AGBL4: variants seen among roughly 807,000 people sequenced by gnomAD.
The protein encoded by AGBL4 is cytosolic carboxypeptidase 6.
Under a neutral mutation model 66.4 loss-of-function variants are expected in AGBL4, and 58 were observed. The observed-to-expected ratio is 0.87, with a 90% confidence interval of 0.71 to 1.09. AGBL4 has a LOEUF of 1.09. Among genes scored for constraint, AGBL4 ranks in the 50% least tolerant of loss-of-function variants. AGBL4 has a pLI of 0.00. For missense variants in AGBL4, 579 were observed against 631.0 expected (o/e 0.92, Z 0.88); for synonymous variants, 234 against 222.9 (o/e 1.05, Z -0.44).
intron 2 of AGBL4, among the ~76,000 whole-genome samples, chr1:49,735,496 A>G (rs576290127): frequency 6.6e-6 from 1 of 152,128 alleles, no homozygotes; most frequent in African/African-American, 2.4e-5. Context: ...ATTTTATATT[A>G]TCATTGTAAT....
At chr1:49,323,729 A>G (rs530865053) in intron 3 of AGBL4, among the ~76,000 whole-genome samples, 62 of 150,124 alleles carry the variant, frequency 4.1e-4, no homozygotes, top group Non-Finnish European at 8.6e-4. Flanking sequence ...AGATTGCACC[A>G]CTGCACTCCA....
intron 5 of AGBL4, among the ~76,000 whole-genome samples, chr1:48,939,399 C>T (rs1308733786): frequency 1.3e-5 from 2 of 152,188 alleles, no homozygotes; most frequent in Non-Finnish European, 2.9e-5. Context: ...TCCTTCAGTC[C>T]CGTTAATGGC....
At chr1:48,838,159 T>A (rs1252388323) in intron 6 of AGBL4, among the ~76,000 whole-genome samples, 2 of 151,940 alleles carry the variant, frequency 1.3e-5, no homozygotes, top group Admixed American at 1.3e-4. Flanking sequence ...AAAATACCAA[T>A]GAAATTCAAC....
intron 1 of AGBL4, among the ~76,000 whole-genome samples, chr1:49,935,952 A>G (rs1197252068): frequency 6.6e-6 from 1 of 152,230 alleles, no homozygotes; most frequent in African/African-American, 2.4e-5. Flanking sequence ...AAAGGAACAC[A>G]GTTCCTCCCC....
At chr1:49,454,873 C>T (rs1380040480) in intron 3 of AGBL4, among the ~76,000 whole-genome samples, 5 of 151,466 alleles carry the variant, frequency 3.3e-5, no homozygotes, top group Admixed American at 1.3e-4. Context: ...GTATGGCATG[C>T]CTTAATAAGT....
At chr1:49,442,394 G>A in intron 3 of AGBL4, among the ~76,000 whole-genome samples, 1 of 152,182 alleles carries the variant, frequency 6.6e-6, no homozygotes. Flanking sequence ...ACAAGTAGGG[G>A]ATTCTTGGAA....
At chr1:49,696,423 T>C (rs1184676847) in intron 3 of AGBL4, among the ~76,000 whole-genome samples, 1 of 152,062 alleles carries the variant, frequency 6.6e-6, no homozygotes, top group African/African-American at 2.4e-5. Context: ...ACGTTCAAAA[T>C]ACAAGTTGAG....
chr1:48,740,066 A>G (rs558753106), intron 6 of AGBL4, among the ~76,000 whole-genome samples: 1 of 152,348 alleles, frequency 6.6e-6, no homozygotes, highest in South Asian at 2.1e-4. Context: ...TAATGTCTTT[A>G]TGGAACTGTT....
At chr1:49,675,515 C>T (rs1388148486) in intron 3 of AGBL4, among the ~76,000 whole-genome samples, 1 of 151,484 alleles carries the variant, frequency 6.6e-6, no homozygotes, top group East Asian at 1.9e-4. Context: ...ACACAATACA[C>T]TCATGTAACA....
chr1:48,854,576 C>G (rs980928966), intron 6 of AGBL4, among the ~76,000 whole-genome samples: 2 of 152,176 alleles, frequency 1.3e-5, no homozygotes, highest in African/African-American at 2.4e-5. Context: ...GAGATAGTCA[C>G]TGCAAAATTT....
intron 3 of AGBL4, among the ~76,000 whole-genome samples, chr1:49,287,726 G>A (rs1432234920): frequency 1.3e-5 from 2 of 150,162 alleles, no homozygotes; most frequent in African/African-American, 4.9e-5. Context: ...AGGTGCTGGA[G>A]AGGATGTGGA....
intron 4 of AGBL4, among the ~76,000 whole-genome samples, chr1:49,207,918 T>C (rs1648371348): frequency 6.6e-6 from 1 of 152,006 alleles, no homozygotes; most frequent in Non-Finnish European, 1.5e-5. Context: ...TTGCCATGCA[T>C]GCTATTGATA....
intron 3 of AGBL4, among the ~76,000 whole-genome samples, chr1:49,367,977 T>C (rs1644272314): frequency 6.6e-6 from 1 of 152,210 alleles, no homozygotes; most frequent in African/African-American, 2.4e-5. Context: ...TCTCTATGGA[T>C]TTGCCTATTA....
intron 11 of AGBL4, among the ~76,000 whole-genome samples, chr1:48,558,746 T>C (rs1359333543): frequency 1.3e-5 from 2 of 152,248 alleles, no homozygotes; most frequent in African/African-American, 4.8e-5. Context: ...TTGATGATGC[T>C]GAGTCCTTAG....
intron 3 of AGBL4, among the ~76,000 whole-genome samples, chr1:49,686,091 G>C (rs1646782224): frequency 6.6e-6 from 1 of 151,938 alleles, no homozygotes; most frequent in African/African-American, 2.4e-5. Flanking sequence ...GAAAAGAAGG[G>C]GTACAGTTTC....
At chr1:49,385,154 A>G (rs1044338637) in intron 3 of AGBL4, among the ~76,000 whole-genome samples, 1 of 152,130 alleles carries the variant, frequency 6.6e-6, no homozygotes, top group African/African-American at 2.4e-5. Flanking sequence ...TGGTGGGAGG[A>G]AAAAAGGGGT....
chr1:48,673,981 C>G (rs1426903136), intron 6 of AGBL4, among the ~76,000 whole-genome samples: 2 of 152,180 alleles, frequency 1.3e-5, no homozygotes, highest in South Asian at 2.1e-4. Flanking sequence ...GATCTCACTC[C>G]CGTACTCCCA....
chr1:49,152,633 A>G (rs1646359204), intron 4 of AGBL4, among the ~76,000 whole-genome samples: 2 of 152,156 alleles, frequency 1.3e-5, no homozygotes, highest in Non-Finnish European at 2.9e-5. Context: ...TGGGGTGAAA[A>G]TGTTCATGCA....
rs145699355 is a variant in AGBL4, at chr1:48,643,860, T to C, written c.840-9256A>G. 8.1e-4 allele frequency among the ~76,000 whole-genome samples: 124 copies of C among 152,304 alleles called. No individual in the cohort carries two copies. In the East Asian group the frequency reaches 8.7e-3, roughly 11 times the overall value. On this transcript the variant is annotated intron_variant, in intron 8 of 13. Transcript: ENST00000371839. ...TCCTGAAGGGTCTATTCTGGTCTTC[T>C]CTCTGCCACATGGTGTGCTTTCTAG...
Sources: gnomAD v4.1 joint callset for allele counts (sites outside exome capture counted in the v4.1 genomes callset) on GRCh38, gnomAD v4.1.1 for gene constraint, MANE v1.5 for transcripts, NCBI Gene and HGNC (gene_info 2026-07-23, HGNC 2026-07-21) for gene names.